The following GRIN2B variants were observed in gnomAD, a reference collection of about 807,000 sequenced individuals.
The protein encoded by GRIN2B is glutamate ionotropic receptor NMDA type subunit 2B, also known as glutamate receptor ionotropic, NMDA 2B.
GRIN2B carries 5 observed loss-of-function variants against 114.5 expected under a neutral mutation model. That is an observed-to-expected ratio of 0.04 (90% CI 0.02 to 0.09). GRIN2B has a LOEUF of 0.09. Ranked by LOEUF, GRIN2B falls within the 10% of genes least tolerant of loss-of-function variation. The probability of loss-of-function intolerance (pLI) is 1.00; values close to 1 mark genes in which losing one functional copy is unlikely to be tolerated. For synonymous variants in GRIN2B, 787 were observed against 745.1 expected, an observed-to-expected ratio of 1.06 and a Z score of -0.92; for missense variants, 1,108 against 1,943.5, an observed-to-expected ratio of 0.57 and a Z score of 8.08.
rs543339306 is a variant in GRIN2B, at chr12:13,722,153, G to A, written c.1010+31164C>T. Among the ~76,000 whole-genome samples the A allele has an allele frequency of 4.6e-5, 7 of 152,198 alleles. No individual in the cohort carries two copies. The East Asian group carries it at 1.4e-3, about 30-fold the overall frequency. Reference sequence around the variant, plus strand: ...GGGTTAAGGAGGGTGAAAGAGGTGAGGAAGTAGAGAAAGCAGCTATAGACA... The same window carrying A: ...GGGTTAAGGAGGGTGAAAGAGGTGAAGAAGTAGAGAAAGCAGCTATAGACA... On this transcript the variant is annotated intron_variant, in intron 4 of 13. Transcript: ENST00000609686.
In GRIN2B at chr12:13,615,343, C is replaced by A; in HGVS notation, c.1501-76G>T. On this transcript the variant is annotated intron_variant, in intron 7 of 13. Coordinates refer to ENST00000609686, the MANE Select transcript of GRIN2B (RefSeq NM_000834.5). This position sits in a 1 kb window ranked among gnomAD's most constrained non-coding sequence, Gnocchi z 5.8. ...CCACCACAAGGAAAATACAGCCTAT[C>A]AGTGGTTTTCTTTGTATAGTGGGAA... 1.3e-6 allele frequency: 2 copies of A among 1,503,688 alleles called. No individual in the cohort carries two copies. Among genetic ancestry groups the A allele is most frequent in the Middle Eastern group, 1.7e-4 (1 of 5,816 alleles). The allele number at this position is 1,503,688 out of a possible 1,614,324, so 93.1% of individuals were successfully genotyped here.
chr12:13,909,570 C>T (rs1347572849), intron 2 of GRIN2B, among the ~76,000 whole-genome samples: 1 of 152,188 alleles, frequency 6.6e-6, no homozygotes, highest in Non-Finnish European at 1.5e-5. Context: ...GACACAGGTA[C>T]CACATGGTCT....
intron 3 of GRIN2B, among the ~76,000 whole-genome samples, chr12:13,787,688 T>A (rs931882573): frequency 2.0e-5 from 3 of 152,204 alleles, no homozygotes; most frequent in African/African-American, 7.2e-5. Context: ...TTCCAATCCA[T>A]GTAACAAACT....
At chr12:13,854,795 A>G (rs1865630899) in intron 3 of GRIN2B, among the ~76,000 whole-genome samples, 1 of 152,166 alleles carries the variant, frequency 6.6e-6, no homozygotes, top group Admixed American at 6.5e-5. Flanking sequence ...GTTTCTGTTT[A>G]CTTCATTCAT....
At chr12:13,716,676 C>G (rs989017243) in intron 4 of GRIN2B, among the ~76,000 whole-genome samples, 1 of 151,922 alleles carries the variant, frequency 6.6e-6, no homozygotes, top group Non-Finnish European at 1.5e-5. Context: ...TCCCACATTT[C>G]CAGTTGAAGG....
intron 3 of GRIN2B, among the ~76,000 whole-genome samples, chr12:13,784,698 C>A (rs902980892): frequency 2.0e-5 from 3 of 152,178 alleles, no homozygotes; most frequent in Non-Finnish European, 4.4e-5. Context: ...TGGAAGCCTG[C>A]CATGATAGGA....
chr12:13,743,692 C>A (rs369365472), intron 4 of GRIN2B, among the ~76,000 whole-genome samples: 3 of 151,176 alleles, frequency 2.0e-5, no homozygotes, highest in Non-Finnish European at 4.4e-5. Flanking sequence ...TGTTGAAGTC[C>A]GCAGCCAATC....
intron 5 of GRIN2B, among the ~76,000 whole-genome samples, chr12:13,661,952 C>T (rs934657304): frequency 1.3e-5 from 2 of 152,186 alleles, no homozygotes; most frequent in Admixed American, 6.5e-5. Context: ...TATACACCCT[C>T]ACCAGGTCCC....
rs1805504 is a variant in GRIN2B, at chr12:13,562,415, T to C, written c.*368A>G. The C allele has an allele frequency of 1.7e-4, 42 of 246,844 alleles. No individual in the cohort carries two copies. In the East Asian group the frequency reaches 3.5e-3, roughly 21 times the overall value. The allele number at this position is 246,844 out of a possible 1,614,324, so 15.3% of individuals were successfully genotyped here. ...CCTTTGTGCTCACATAGCCTCTTTT[T>C]GGTTCTCCCAGCTTCACTCAAAGAG... On this transcript the variant is annotated 3_prime_UTR_variant, in exon 14 of 14. Transcript: ENST00000609686.
chr12:13,971,854 G>T (rs1862923770), intron 2 of GRIN2B, among the ~76,000 whole-genome samples: 1 of 152,154 alleles, frequency 6.6e-6, no homozygotes, highest in Non-Finnish European at 1.5e-5. Flanking sequence ...GCCAGTGTTA[G>T]TGTTGAGAGA....
At chr12:13,654,644 A>G (rs1372228602) in intron 5 of GRIN2B, among the ~76,000 whole-genome samples, 2 of 152,162 alleles carry the variant, frequency 1.3e-5, no homozygotes, top group African/African-American at 4.8e-5. Flanking sequence ...TCCTGTATAC[A>G]AAAAGTGCTG....
intron 5 of GRIN2B, among the ~76,000 whole-genome samples, chr12:13,624,855 C>A (rs1157169257): frequency 1.3e-5 from 2 of 152,228 alleles, no homozygotes. Flanking sequence ...CTGCTAGGCA[C>A]TGCCCTCTGA....
intron 2 of GRIN2B, among the ~76,000 whole-genome samples, chr12:13,940,380 T>A (rs1591632713): frequency 6.6e-6 from 1 of 152,134 alleles, no homozygotes; most frequent in East Asian, 1.9e-4. Context: ...GAAGGCATTA[T>A]TCCCCAGCGG....
chr12:13,871,644 T>A (rs1865909483), intron 2 of GRIN2B, among the ~76,000 whole-genome samples: 1 of 147,064 alleles, frequency 6.8e-6, no homozygotes, highest in Non-Finnish European at 1.5e-5. Flanking sequence ...AAATAACAAA[T>A]GAATGAAACA....
intron 10 of GRIN2B, among the ~76,000 whole-genome samples, chr12:13,572,677 C>A (rs181444721): frequency 6.2e-4 from 94 of 152,284 alleles, no homozygotes; most frequent in African/African-American, 2.2e-3. Flanking sequence ...TTCTGGCTAT[C>A]ACCCTGCAAT....
intron 3 of GRIN2B, among the ~76,000 whole-genome samples, chr12:13,791,248 G>A (rs755236818): frequency 6.6e-6 from 1 of 151,978 alleles, no homozygotes; most frequent in South Asian, 2.1e-4. Flanking sequence ...CGGATCATGA[G>A]GTCAGGAGAT....
At chr12:13,896,769 T>C (rs1390913605) in intron 2 of GRIN2B, among the ~76,000 whole-genome samples, 2 of 152,152 alleles carry the variant, frequency 1.3e-5, no homozygotes, top group Non-Finnish European at 2.9e-5. Flanking sequence ...AAGTTAATTA[T>C]ATGCAATACA....
chr12:13,703,961 T>C (rs1447854939), intron 4 of GRIN2B, among the ~76,000 whole-genome samples: 1 of 152,186 alleles, frequency 6.6e-6, no homozygotes, highest in African/African-American at 2.4e-5. Flanking sequence ...CATTCACTTG[T>C]CTCTGTCATC....
At chr12:13,750,856 G>A (rs1239660158) in intron 4 of GRIN2B, among the ~76,000 whole-genome samples, 1 of 152,194 alleles carries the variant, frequency 6.6e-6, no homozygotes, top group Non-Finnish European at 1.5e-5. Flanking sequence ...AGCTCACAGG[G>A]AAGGGAGATA....
Sources: allele counts gnomAD v4.1 joint callset (sites outside exome capture counted in the v4.1 genomes callset), GRCh38; gene constraint gnomAD v4.1.1; non-coding constraint Gnocchi (gnomAD v3.1); transcripts MANE v1.5; gene names NCBI Gene and HGNC (gene_info 2026-07-23, HGNC 2026-07-21).